Variants in TUNAR observed in about 807,000 individuals in gnomAD.
The protein encoded by TUNAR is transmembrane neural differentiation associated intracellular calcium regulator, also known as protein TUNAR.
intron 2 of TUNAR, among the ~76,000 whole-genome samples, chr14:95,920,552 C>G (rs1018079671): frequency 6.6e-6 from 1 of 152,036 alleles, no homozygotes; most frequent in African/African-American, 2.4e-5. Flanking sequence ...TTAGGGTGTT[C>G]ATTTGTTCAC....
chr14:95,911,404 G>A (rs1425057514), intron 2 of TUNAR, among the ~76,000 whole-genome samples: 1 of 152,182 alleles, frequency 6.6e-6, no homozygotes, highest in African/African-American at 2.4e-5. Flanking sequence ...TGATCAATTT[G>A]TGTTTTCCGT....
In TUNAR at chr14:95,895,170, C is replaced by T. The variant is rs1288045211; in HGVS notation, c.12+17993C>T. The stretch of plus-strand genomic sequence containing the variant: ...ACAAGGTGTCCCAGAGAGGGGACAT[C>T]TGAGCTGCATCTTAAAGGAAGAGTA... On this transcript the variant is annotated intron_variant, in intron 2 of 2. Transcript: ENST00000678517. This position sits in a 1 kb window ranked among gnomAD's most constrained non-coding sequence, Gnocchi z 4.5. Among the ~76,000 whole-genome samples, 2 of 152,230 alleles carry T rather than the reference C, an allele frequency of 1.3e-5. No homozygotes were observed.
chr14:95,879,644 C>T (rs1183964099), intron 2 of TUNAR, among the ~76,000 whole-genome samples: 2 of 151,184 alleles, frequency 1.3e-5, no homozygotes, highest in East Asian at 1.9e-4. Flanking sequence ...TTTTTCTCCC[C>T]GTGTGAAAAT....
chr14:95,914,756 A>G (rs775506500), intron 2 of TUNAR, among the ~76,000 whole-genome samples: 1 of 152,232 alleles, frequency 6.6e-6, no homozygotes, highest in Non-Finnish European at 1.5e-5. Context: ...CTTTAATCCT[A>G]CAAGCTACTG....
chr14:95,880,021 C>T (rs57846023), intron 2 of TUNAR, among the ~76,000 whole-genome samples: 2,809 of 152,252 alleles, frequency 0.018, 54 homozygotes, highest in East Asian at 0.08. Flanking sequence ...CAACAGCTTC[C>T]GTAGGCCAGG....
chr14:95,923,009 G>A (rs575481063), exon 3 of TUNAR: 19 of 399,030 alleles, frequency 4.8e-5, no homozygotes, highest in South Asian at 2.5e-4. Flanking sequence ...GGCCAAAGAC[G>A]GAAGTCCTGC....
At chr14:95,883,892 G>A (rs1436142106) in intron 2 of TUNAR, among the ~76,000 whole-genome samples, 1 of 152,148 alleles carries the variant, frequency 6.6e-6, no homozygotes, top group Admixed American at 6.5e-5. Context: ...GAACTCCTGG[G>A]GATGGGGGTG....
intron 2 of TUNAR, among the ~76,000 whole-genome samples, chr14:95,897,512 A>C (rs1889286639): frequency 6.6e-6 from 1 of 152,116 alleles, no homozygotes; most frequent in South Asian, 2.1e-4. Context: ...CATTCCTTCA[A>C]GGTTGCTGAA....
chr14:95,925,134 A>G (rs1889766399), exon 3 of TUNAR: 1 of 152,084 alleles, frequency 6.6e-6, no homozygotes, highest in Admixed American at 6.5e-5. Flanking sequence ...GAGTCATTGA[A>G]TTCTTGTAGT....
intron 2 of TUNAR, among the ~76,000 whole-genome samples, chr14:95,922,303 C>A (rs1889710278): frequency 6.6e-6 from 1 of 152,256 alleles, no homozygotes; most frequent in Non-Finnish European, 1.5e-5. Context: ...CCAGCCACCC[C>A]TACCCATACC....
At chr14:95,905,343 G>A (rs1240011596) in intron 2 of TUNAR, among the ~76,000 whole-genome samples, 1 of 152,188 alleles carries the variant, frequency 6.6e-6, no homozygotes, top group Non-Finnish European at 1.5e-5. Context: ...CAGTTGCCAT[G>A]TCTCCTTATT....
intron 2 of TUNAR, among the ~76,000 whole-genome samples, chr14:95,901,137 C>T (rs796695017): frequency 3.2e-4 from 48 of 152,288 alleles, no homozygotes; most frequent in African/African-American, 1.1e-3. Flanking sequence ...GTGTGTTTAA[C>T]GGACAAGCAA....
chr14:95,884,628 T>C (rs1302602554), intron 2 of TUNAR, among the ~76,000 whole-genome samples: 3 of 152,186 alleles, frequency 2.0e-5, no homozygotes, highest in Non-Finnish European at 4.4e-5. Flanking sequence ...TCAAAGTGGC[T>C]CTAGAACTTT....
At chr14:95,906,348 G>GT (rs1230244062) in intron 2 of TUNAR, among the ~76,000 whole-genome samples, 2 of 152,158 alleles carry the variant, frequency 1.3e-5, no homozygotes, top group African/African-American at 4.8e-5. Context: ...TAAAAACCAC[G>GT]TGTTTATACT....
At chr14:95,887,262 G>A (rs1889093505) in intron 2 of TUNAR, among the ~76,000 whole-genome samples, 1 of 152,164 alleles carries the variant, frequency 6.6e-6, no homozygotes, top group South Asian at 2.1e-4. Flanking sequence ...TCTCTTCCCT[G>A]GATCCTCAGT....
rs377479106 is a variant in TUNAR at position 95,904,135 on chromosome 14, A to G, written c.13-18646A>G. On this transcript the variant is annotated intron_variant, in intron 2 of 2. Transcript: ENST00000678517. Reference sequence around the variant, plus strand: ...CAGATCCTGGAGGGCCAAGTATGTAATAGTTCACTCCCCTGTAACATGGGT... The same window carrying G: ...CAGATCCTGGAGGGCCAAGTATGTAGTAGTTCACTCCCCTGTAACATGGGT... Among the ~76,000 whole-genome samples the G allele has an allele frequency of 4.6e-5, 7 of 152,316 alleles. 1 individual carries two copies. Among genetic ancestry groups the G allele is most frequent in the East Asian group, 1.9e-4 (1 of 5,182 alleles).
chr14:95,915,592 G>C (rs1273250013), intron 2 of TUNAR, among the ~76,000 whole-genome samples: 3 of 152,220 alleles, frequency 2.0e-5, no homozygotes, highest in Admixed American at 1.3e-4. Context: ...ATGCTGGTTA[G>C]GCCCAGTGAG....
At chr14:95,924,937 C>G (rs1889761465) in exon 3 of TUNAR, 1 of 152,220 alleles carries the variant, frequency 6.6e-6, no homozygotes, top group East Asian at 1.9e-4. Context: ...TGAAATTCCA[C>G]CATTAGAGAG....
chr14:95,912,854 G>A (rs1053876420), intron 2 of TUNAR, among the ~76,000 whole-genome samples: 4 of 151,700 alleles, frequency 2.6e-5, no homozygotes, highest in Admixed American at 2.0e-4. Context: ...GCAGTGGTGC[G>A]ATCTCAGCTC....
Sources: gnomAD v4.1 joint callset for allele counts (sites outside exome capture counted in the v4.1 genomes callset) on GRCh38, gnomAD v4.1.1 for gene constraint, Gnocchi (gnomAD v3.1) non-coding constraint, MANE v1.5 for transcripts, NCBI Gene and HGNC (gene_info 2026-07-23, HGNC 2026-07-21) for gene names.